The following KCNB2 variants were observed in gnomAD, a reference collection of about 807,000 sequenced individuals.
KCNB2 encodes the protein delayed rectifier potassium channel protein.
KCNB2 carries 15 observed loss-of-function variants against 61.5 expected under a neutral mutation model. The observed-to-expected ratio is 0.24, with a 90% CI of 0.16 to 0.38. The LOEUF is 0.38. Ranked by LOEUF, KCNB2 falls within the 10% of genes least tolerant of loss-of-function variation. KCNB2 has a pLI of 1.00. For synonymous variants in KCNB2, 457 were observed against 446.0 expected (o/e 1.02, Z -0.31); for missense variants, 828 against 1,125.2 (o/e 0.74, Z 3.78).
chr8:72,672,634 C>CT (rs35499870), intron 2 of KCNB2, among the ~76,000 whole-genome samples: 6,730 of 147,768 alleles, frequency 0.046, 198 homozygotes, highest in African/African-American at 0.088. Flanking sequence ...CAAAAGAGCT[C>CT]TTTTTTTTTT....
intron 2 of KCNB2, among the ~76,000 whole-genome samples, chr8:72,703,973 A>C (rs977766777): frequency 1.3e-5 from 2 of 152,194 alleles, no homozygotes; most frequent in African/African-American, 4.8e-5. Context: ...ATAGTAGATG[A>C]AGTTCACAGA....
At chr8:72,917,047 G>A (rs1279839367) in intron 2 of KCNB2, among the ~76,000 whole-genome samples, 6 of 152,152 alleles carry the variant, frequency 3.9e-5, no homozygotes, top group Admixed American at 3.9e-4. Flanking sequence ...AGGCTTTTGG[G>A]CTTGAGGGTC....
chr8:72,704,808 C>T (rs1807192569), intron 2 of KCNB2, among the ~76,000 whole-genome samples: 1 of 152,140 alleles, frequency 6.6e-6, no homozygotes, highest in Non-Finnish European at 1.5e-5. Flanking sequence ...TCTGCAGATG[C>T]TCAAGTCCCT....
In KCNB2 at chr8:72,615,067, T is replaced by C. The variant is rs1347470528; in HGVS notation, c.579+46754T>C. On this transcript the variant is annotated intron_variant, in intron 2 of 2. Transcript: ENST00000523207. Reference sequence around the variant, plus strand: ...ATAACACCAGCTGCCTGAGCAGCCCTTGGACTCCACGTTTGCAGTGGGTAG... The same window carrying C: ...ATAACACCAGCTGCCTGAGCAGCCCCTGGACTCCACGTTTGCAGTGGGTAG... Among the ~76,000 whole-genome samples the C allele has an allele frequency of 3.3e-5, 5 of 152,330 alleles. No homozygotes were observed. In the East Asian group the frequency reaches 9.7e-4, roughly 29 times the overall value.
chr8:72,591,221 G>A (rs374945139), intron 2 of KCNB2, among the ~76,000 whole-genome samples: 7 of 152,050 alleles, frequency 4.6e-5, no homozygotes, highest in African/African-American at 9.6e-5. Flanking sequence ...TTAGGCATTC[G>A]GAGGTTTAAT....
chr8:72,797,885 T>G lies in KCNB2; in HGVS notation c.580-138050T>G, dbSNP rs548644550. Among the ~76,000 whole-genome samples the G allele has an allele frequency of 2.0e-5, 3 of 152,324 alleles. No individual in the cohort carries two copies. The South Asian group carries it at 6.2e-4, about 32-fold the overall frequency. ...GGACTCCCAGTGCGTTGCAATTTTT[T>G]TAATGTGTTTTCATGACCAAAACTT... On this transcript the variant is annotated intron_variant, in intron 2 of 2. Transcript: ENST00000523207.
At position 72,568,134 on chromosome 8, in the gene KCNB2, G is replaced by A; in HGVS notation, c.400G>A (p.Glu134Lys). 1 of 1,614,066 alleles carries A rather than the reference G, an allele frequency of 6.2e-7. No individual in the cohort carries two copies. Among genetic ancestry groups the A allele is most frequent in the Non-Finnish European group, 8.5e-7 (1 of 1,180,010 alleles). ...DYWGIDEIYLESCCQARYHQK... is the reference protein window; with the variant it reads ...DYWGIDEIYLKSCCQARYHQK... ...CTGGGGGATTGATGAGATCTACTTG[G>A]AGTCCTGCTGCCAGGCCAGATATCA... Residue 134 changes from glutamate (E) to lysine (K), a missense_variant, in exon 2 of 3, where the codon GAG (glutamate) becomes AAG (lysine). This residue lies in a region of KCNB2 where 163 missense variants were observed against 314.4 expected (regional missense o/e 0.52). Coordinates refer to ENST00000523207, the MANE Select transcript of KCNB2 (RefSeq NM_004770.3).
intron 2 of KCNB2, among the ~76,000 whole-genome samples, chr8:72,882,193 C>T (rs1443937449): frequency 6.6e-5 from 10 of 152,118 alleles, no homozygotes; most frequent in Admixed American, 4.6e-4. Context: ...CACCTCCACA[C>T]GGGGGTGGTT....
intron 2 of KCNB2, among the ~76,000 whole-genome samples, chr8:72,920,457 C>CTATATATATA (rs1286454103): frequency 0.055 from 3,760 of 68,068 alleles, 403 homozygotes; most frequent in Non-Finnish European, 0.071. Context: ...ATCTATCTAT[C>CTATATATATA]TATCTATCTA....
chr8:72,696,495 G>A (rs1288649413), intron 2 of KCNB2, among the ~76,000 whole-genome samples: 1 of 152,100 alleles, frequency 6.6e-6, no homozygotes, highest in African/African-American at 2.4e-5. Context: ...AGTGGTGTTG[G>A]GGGGTTATGA....
chr8:72,782,788 T>G (rs1411242837), intron 2 of KCNB2, among the ~76,000 whole-genome samples: 1 of 152,210 alleles, frequency 6.6e-6, no homozygotes, highest in African/African-American at 2.4e-5. Flanking sequence ...GAAAAATTTC[T>G]GTTGACCTTG....
intron 1 of KCNB2, among the ~76,000 whole-genome samples, chr8:72,544,188 G>C (rs1806228509): frequency 6.6e-6 from 1 of 152,174 alleles, no homozygotes; most frequent in South Asian, 2.1e-4. Context: ...TAGGCAGAAG[G>C]AACAGCATTT....
intron 2 of KCNB2, among the ~76,000 whole-genome samples, chr8:72,649,468 G>A (rs578185236): frequency 6.6e-6 from 1 of 152,192 alleles, no homozygotes; most frequent in African/African-American, 2.4e-5. Flanking sequence ...GGGAGGAAGG[G>A]TTGAAAAACT....
intron 2 of KCNB2, among the ~76,000 whole-genome samples, chr8:72,741,582 C>T (rs1807960788): frequency 6.6e-6 from 1 of 152,002 alleles, no homozygotes; most frequent in Admixed American, 6.6e-5. Context: ...CCTCACTCTT[C>T]CCCCTTGTCC....
chr8:72,629,375 C>T (rs1273713484), intron 2 of KCNB2, among the ~76,000 whole-genome samples: 1 of 152,176 alleles, frequency 6.6e-6, no homozygotes, highest in Non-Finnish European at 1.5e-5. Context: ...CTAGAAACTC[C>T]ACACTTAACA....
At chr8:72,892,509 G>A (rs1383937254) in intron 2 of KCNB2, among the ~76,000 whole-genome samples, 1 of 152,114 alleles carries the variant, frequency 6.6e-6, no homozygotes, top group Non-Finnish European at 1.5e-5. Context: ...TAGGCATCCG[G>A]CACATGCCAC....
At chr8:72,599,924 G>A (rs1229762178) in intron 2 of KCNB2, among the ~76,000 whole-genome samples, 2 of 151,966 alleles carry the variant, frequency 1.3e-5, no homozygotes, top group Non-Finnish European at 2.9e-5. Context: ...TTAGAATGGC[G>A]ATCATTAAAA....
chr8:72,812,186 G>A (rs1251089591), intron 2 of KCNB2, among the ~76,000 whole-genome samples: 3 of 151,992 alleles, frequency 2.0e-5, no homozygotes, highest in Admixed American at 1.3e-4. Context: ...TGCTTAAACC[G>A]GGACCTGGGA....
At chr8:72,652,670 C>A (rs561384753) in intron 2 of KCNB2, among the ~76,000 whole-genome samples, 12 of 151,976 alleles carry the variant, frequency 7.9e-5, no homozygotes, top group Non-Finnish European at 1.6e-4. Context: ...GGCTTAATGA[C>A]CGGTACCCTT....
Sources: allele counts gnomAD v4.1 joint callset (sites outside exome capture counted in the v4.1 genomes callset), GRCh38; gene constraint gnomAD v4.1.1; regional missense constraint gnomAD v4.1.1; transcripts MANE v1.5; gene names NCBI Gene and HGNC (gene_info 2026-07-23, HGNC 2026-07-21).